The following MBD5 variants were observed in gnomAD, a reference collection of about 807,000 sequenced individuals.
MBD5 encodes methyl-CpG binding domain protein 5.
In MBD5, 13 loss-of-function variants were observed where a neutral mutation model predicts 117.3. The ratio of observed to expected loss-of-function variants is 0.11; its 90% CI spans 0.07 to 0.18. The LOEUF (loss-of-function observed/expected upper bound fraction) is 0.18. Ranked by LOEUF, MBD5 falls within the 10% of genes least tolerant of loss-of-function variation. The pLI, the probability that MBD5 is intolerant of heterozygous loss-of-function variation, is 1.00. For missense variants in MBD5, 1,879 were observed against 2,093.8 expected (o/e 0.90, Z 2.00); for synonymous variants, 727 against 766.4 (o/e 0.95, Z 0.85).
chr2:148,435,168 A>G (rs753834945), intron 4 of MBD5, among the ~76,000 whole-genome samples: 26 of 152,042 alleles, frequency 1.7e-4, no homozygotes, highest in Non-Finnish European at 2.5e-4. Flanking sequence ...TGCATGTGAG[A>G]TGGATCACTT....
intron 3 of MBD5, among the ~76,000 whole-genome samples, chr2:148,322,259 C>G (rs553891702): frequency 5.3e-5 from 8 of 152,276 alleles, no homozygotes; most frequent in East Asian, 1.9e-4. Flanking sequence ...TACAACTAAG[C>G]TTTTAGCTTC....
At chr2:148,429,251 C>T (rs1226704128) in intron 4 of MBD5, among the ~76,000 whole-genome samples, 1 of 152,114 alleles carries the variant, frequency 6.6e-6, no homozygotes, top group East Asian at 1.9e-4. Context: ...AAAAAAAGCT[C>T]ATCATCACTG....
intron 2 of MBD5, among the ~76,000 whole-genome samples, chr2:148,211,301 C>A (rs1699416532): frequency 6.6e-6 from 1 of 152,058 alleles, no homozygotes; most frequent in African/African-American, 2.4e-5. Flanking sequence ...ACATTTTCTT[C>A]AGTTTTCAGA....
At chr2:148,241,980 C>A (rs1164147996) in intron 3 of MBD5, among the ~76,000 whole-genome samples, 1 of 151,982 alleles carries the variant, frequency 6.6e-6, no homozygotes, top group African/African-American at 2.4e-5. Flanking sequence ...TTCATATTTA[C>A]CTGTTTGCTT....
At chr2:148,163,798 G>A (rs941524057) in intron 1 of MBD5, among the ~76,000 whole-genome samples, 2 of 152,080 alleles carry the variant, frequency 1.3e-5, no homozygotes, top group East Asian at 1.9e-4. Context: ...TTTTTTTCAT[G>A]TAGAAAACAA....
intron 1 of MBD5, among the ~76,000 whole-genome samples, chr2:148,124,040 T>C (rs1045945209): frequency 5.9e-5 from 9 of 152,038 alleles, no homozygotes; most frequent in Non-Finnish European, 1.2e-4. Context: ...GCACTTTGGG[T>C]GGCCAAGGAA....
intron 3 of MBD5, among the ~76,000 whole-genome samples, chr2:148,323,114 C>T (rs541430441): frequency 3.9e-4 from 59 of 151,462 alleles, no homozygotes; most frequent in African/African-American, 1.1e-3. Flanking sequence ...TTTGTTCTTG[C>T]GATAGTTTAC....
intron 8 of MBD5, among the ~76,000 whole-genome samples, chr2:148,473,269 A>T (rs1461679366): frequency 6.6e-6 from 1 of 152,140 alleles, no homozygotes; most frequent in Non-Finnish European, 1.5e-5. Flanking sequence ...TTATTAGTGA[A>T]TCACATTTGG....
chr2:148,219,556 T>G (rs1264568209), intron 2 of MBD5, among the ~76,000 whole-genome samples: 1 of 152,154 alleles, frequency 6.6e-6, no homozygotes, highest in Non-Finnish European at 1.5e-5. Context: ...AATAGAGAGT[T>G]GTAAGGTTAG....
chr2:148,044,386 A>G (rs969228330), intron 1 of MBD5: 2 of 152,208 alleles, frequency 1.3e-5, no homozygotes, highest in African/African-American at 4.8e-5. Context: ...TTTTTATACC[A>G]TGACACTGAG....
intron 10 of MBD5, among the ~76,000 whole-genome samples, chr2:148,487,107 A>G (rs1301908439): frequency 6.6e-6 from 1 of 152,236 alleles, no homozygotes; most frequent in Non-Finnish European, 1.5e-5. Context: ...TTAGAAAATT[A>G]GGTAGACTTA....
rs1680732204 is a variant in MBD5 at position 148,469,828 on chromosome 2, A to G, written c.1885A>G (p.Asn629Asp). The change falls in exon 8 of 14, where the codon AAC (asparagine) becomes GAC (aspartate). Residue 629 changes from asparagine to aspartate, a missense_variant. By Grantham distance (23) the Asn-to-Asp change is conservative. Transcript: ENST00000642680. Reference protein sequence around the residue: ...TLNTMFPPTANMLLPTGEGQS... With the variant: ...TLNTMFPPTADMLLPTGEGQS... ...AAACACCATGTTCCCTCCTACTGCCAACATGCTTCTCCCAACAGGTGAAGG... is the reference window on the plus strand; with the variant it reads ...AAACACCATGTTCCCTCCTACTGCCGACATGCTTCTCCCAACAGGTGAAGG... 1 of 1,613,858 alleles carries G rather than the reference A, an allele frequency of 6.2e-7. No individual in the cohort carries two copies. The highest frequency in any genetic ancestry group is 8.5e-7 in the Non-Finnish European group (1 of 1,179,900).
At chr2:148,414,736 A>G (rs1320838283) in intron 4 of MBD5, among the ~76,000 whole-genome samples, 1 of 151,868 alleles carries the variant, frequency 6.6e-6, no homozygotes, top group Admixed American at 6.6e-5. Context: ...GTCTTTTTTG[A>G]TCATTGTTGG....
At chr2:148,046,158 A>AT (rs754235266) in intron 1 of MBD5, among the ~76,000 whole-genome samples, 12 of 151,264 alleles carry the variant, frequency 7.9e-5, no homozygotes, top group Non-Finnish European at 1.3e-4. Context: ...TAATTTTTGT[A>AT]TTTTTAGTAG....
intron 1 of MBD5, among the ~76,000 whole-genome samples, chr2:148,040,204 A>C (rs1451609933): frequency 6.6e-6 from 1 of 152,168 alleles, no homozygotes; most frequent in East Asian, 1.9e-4. Context: ...GTAATAACTA[A>C]ATAAATAACA....
chr2:148,320,952 T>C (rs1384722223), intron 3 of MBD5, among the ~76,000 whole-genome samples: 1 of 152,214 alleles, frequency 6.6e-6, no homozygotes, highest in Non-Finnish European at 1.5e-5. Flanking sequence ...GGAGCAACTT[T>C]TCATTTCATT....
In MBD5 at chr2:148,385,065, T is replaced by C. The variant is rs1440403224; in HGVS notation, c.-557+42729T>C. Among the ~76,000 whole-genome samples, 9 of 152,318 alleles carry C rather than the reference T, an allele frequency of 5.9e-5. 1 individual carries two copies. In the South Asian group the frequency reaches 1.9e-3, roughly 32 times the overall value. ...GACATAGACATGGGCAAGGACTTCC[T>C]GTCTAAAACACCAAAAGCAATGGCA... On this transcript the variant is annotated intron_variant, in intron 4 of 13. Coordinates refer to ENST00000642680, the MANE Select transcript of MBD5 (RefSeq NM_001378120.1).
At chr2:148,378,049 C>A (rs937364568) in intron 4 of MBD5, among the ~76,000 whole-genome samples, 1 of 152,118 alleles carries the variant, frequency 6.6e-6, no homozygotes, top group Non-Finnish European at 1.5e-5. Flanking sequence ...AGGCTGTAAA[C>A]CAGTAACCTT....
chr2:148,426,098 T>C (rs984144255), intron 4 of MBD5, among the ~76,000 whole-genome samples: 1 of 152,152 alleles, frequency 6.6e-6, no homozygotes, highest in African/African-American at 2.4e-5. Flanking sequence ...TTACAAGGGA[T>C]GTGAAGGACC....
Sources: gnomAD v4.1 joint callset for allele counts (sites outside exome capture counted in the v4.1 genomes callset) on GRCh38, gnomAD v4.1.1 for gene constraint, MANE v1.5 for transcripts, NCBI Gene and HGNC (gene_info 2026-07-23, HGNC 2026-07-21) for gene names.